The following POFUT3 variants were observed in gnomAD, a reference collection of about 807,000 sequenced individuals.
POFUT3 encodes the protein GDP-fucose protein O-fucosyltransferase 3.
At chr8:33,375,183 T>G in the POFUT3 span, among the ~76,000 whole-genome samples, 2 of 152,088 alleles carry the variant, frequency 1.3e-5, no homozygotes, top group African/African-American at 4.8e-5. Flanking sequence ...CGAGCCACCG[T>G]GCTCAGCTGA....
chr8:33,318,647 ATATATATTTATATAATATATAAATATAT>A, the POFUT3 span, among the ~76,000 whole-genome samples: 1 of 89,130 alleles, frequency 1.1e-5, no homozygotes, highest in Non-Finnish European at 2.0e-5. Flanking sequence ...AATATATTGT[ATATATATTTATATAATATATAAATATAT>A]TGTATATATA....
chr8:33,329,704 A>T, the POFUT3 span, among the ~76,000 whole-genome samples: 8 of 152,292 alleles, frequency 5.3e-5, no homozygotes, highest in Non-Finnish European at 1.0e-4. Context: ...AAGAATTATA[A>T]GTGCTCATAA....
chr8:33,467,492 G>A, the POFUT3 span, among the ~76,000 whole-genome samples: 1 of 152,066 alleles, frequency 6.6e-6, no homozygotes, highest in Non-Finnish European at 1.5e-5. Context: ...TCCTGGGACA[G>A]AACAATATGT....
chr8:33,405,484 T>C, the POFUT3 span, among the ~76,000 whole-genome samples: 48 of 150,806 alleles, frequency 3.2e-4, no homozygotes, highest in African/African-American at 1.1e-3. Flanking sequence ...TCAGTTATTC[T>C]TTACAAAAAA....
the POFUT3 span, among the ~76,000 whole-genome samples, chr8:33,343,600 C>T: frequency 6.9e-3 from 1,052 of 152,290 alleles, 4 homozygotes; most frequent in Non-Finnish European, 0.011. Flanking sequence ...GATCCAGACC[C>T]CAAGTTTACT....
At chr8:33,309,166 AAATATATAT>A in the POFUT3 span, among the ~76,000 whole-genome samples, 1 of 70,122 alleles carries the variant, frequency 1.4e-5, no homozygotes, top group African/African-American at 8.9e-5. Context: ...AAAAAAAAAA[AAATATATAT>A]ATATATATAT....
chr8:33,458,291 G>A, the POFUT3 span, among the ~76,000 whole-genome samples: 3 of 152,174 alleles, frequency 2.0e-5, no homozygotes, highest in Non-Finnish European at 2.9e-5. Flanking sequence ...GGTTGTGGAA[G>A]CAAGCGACTT....
chr8:33,357,965 G>C, the POFUT3 span, among the ~76,000 whole-genome samples: 1 of 152,210 alleles, frequency 6.6e-6, no homozygotes, highest in South Asian at 2.1e-4. Flanking sequence ...TACAAGACAA[G>C]GCTGGGCACA....
chr8:33,466,176 G>A, the POFUT3 span, among the ~76,000 whole-genome samples: 6 of 152,038 alleles, frequency 3.9e-5, no homozygotes, highest in Admixed American at 3.3e-4. Context: ...GGTGGTTCTG[G>A]GAGACTGAGG....
At chr8:33,316,290 T>A in the POFUT3 span, among the ~76,000 whole-genome samples, 3 of 152,138 alleles carry the variant, frequency 2.0e-5, no homozygotes, top group Admixed American at 1.3e-4. Context: ...GGCCAGTTCC[T>A]ATCTTCCCCA....
At chr8:33,462,800 G>A in the POFUT3 span, among the ~76,000 whole-genome samples, 5 of 151,994 alleles carry the variant, frequency 3.3e-5, no homozygotes, top group Admixed American at 6.6e-5. Context: ...GCATGGGGGT[G>A]TGCACCTATA....
chr8:33,365,719 C>T, the POFUT3 span, among the ~76,000 whole-genome samples: 30 of 152,284 alleles, frequency 2.0e-4, 1 homozygote, highest in Admixed American at 1.9e-3. Flanking sequence ...CCATCTCATG[C>T]CAGTTAGAAT....
At chr8:33,414,232 C>T in the POFUT3 span, among the ~76,000 whole-genome samples, 28 of 152,124 alleles carry the variant, frequency 1.8e-4, no homozygotes, top group African/African-American at 6.7e-4. Context: ...AGAGCAACTC[C>T]GAGATTGCCT....
the POFUT3 span, among the ~76,000 whole-genome samples, chr8:33,326,722 T>TTC: frequency 6.6e-6 from 1 of 152,170 alleles, no homozygotes; most frequent in African/African-American, 2.4e-5. Flanking sequence ...AGGTCATAGC[T>TTC]TCTCACCTGG....
At chr8:33,411,724 G>T in the POFUT3 span, among the ~76,000 whole-genome samples, 1 of 152,180 alleles carries the variant, frequency 6.6e-6, no homozygotes, top group African/African-American at 2.4e-5. Flanking sequence ...GGAGGTGGAG[G>T]TTGCAGTGAG....
chr8:33,453,658 T>G, the POFUT3 span: 1 of 728,874 alleles, frequency 1.4e-6, no homozygotes, highest in East Asian at 2.6e-5. Flanking sequence ...TAACACAAAT[T>G]TAAGCAAGGT....
the POFUT3 span, among the ~76,000 whole-genome samples, chr8:33,352,153 G>T: frequency 3.3e-5 from 5 of 152,188 alleles, no homozygotes; most frequent in Admixed American, 6.5e-5. Flanking sequence ...TGAAGCCACA[G>T]TCACTGCTTT....
At chr8:33,342,314 A>G in the POFUT3 span, among the ~76,000 whole-genome samples, 2 of 152,104 alleles carry the variant, frequency 1.3e-5, no homozygotes, top group African/African-American at 4.8e-5. Context: ...CTGTGTTTGT[A>G]CCACTGCACT....
chr8:33,427,266 C>T, the POFUT3 span, among the ~76,000 whole-genome samples: 1 of 151,964 alleles, frequency 6.6e-6, no homozygotes, highest in Non-Finnish European at 1.5e-5. Context: ...ACATAGGAGA[C>T]CTTGTCTCTT....
Sources: allele counts gnomAD v4.1 joint callset (sites outside exome capture counted in the v4.1 genomes callset), GRCh38; gene constraint gnomAD v4.1.1; transcripts MANE v1.5; gene names NCBI Gene and HGNC (gene_info 2026-07-23, HGNC 2026-07-21).